CLIC5: variants seen among roughly 807,000 people sequenced by gnomAD.
CLIC5 encodes the protein CLIC family member 5, also known as chloride intracellular channel protein 5.
A neutral mutation model predicts 24.7 loss-of-function variants in CLIC5; 20 were observed. The observed-to-expected ratio is 0.81, with a 90% CI of 0.57 to 1.18. The LOEUF (loss-of-function observed/expected upper bound fraction) is 1.18. CLIC5 is among the 50% of genes most tolerant of loss of function. The pLI, the probability that CLIC5 is intolerant of heterozygous loss-of-function variation, is 0.00. For synonymous variants in CLIC5, 159 were observed against 135.6 expected (o/e 1.17, Z -1.20); for missense variants, 341 against 326.1 (o/e 1.05, Z -0.35).
At chr6:46,040,788 G>T (rs1767786732) in intron 1 of CLIC5, among the ~76,000 whole-genome samples, 1 of 152,172 alleles carries the variant, frequency 6.6e-6, no homozygotes, top group African/African-American at 2.4e-5. Flanking sequence ...ATAAATAGCA[G>T]TTGTAGCAGT....
At chr6:46,009,636 C>G (rs1031470273) in intron 1 of CLIC5, among the ~76,000 whole-genome samples, 2 of 152,126 alleles carry the variant, frequency 1.3e-5, no homozygotes, top group African/African-American at 4.8e-5. Flanking sequence ...TCCCCATAAT[C>G]CTGGTAGATA....
At position 45,947,617 on chromosome 6, in the gene CLIC5, C is replaced by A. The variant is rs915719904; in HGVS notation, c.299+1639G>T. On this transcript the variant is annotated intron_variant, in intron 3 of 5. Transcript: ENST00000339561. ...CTTCTAAGAGGGAAAATGTTAACTG[C>A]GTCATGAACTTTCCTCTATGGGTCT... Among the ~76,000 whole-genome samples, 9 of 152,294 alleles carry A rather than the reference C, an allele frequency of 5.9e-5. No individual in the cohort carries two copies. The South Asian group carries it at 1.0e-3, about 18-fold the overall frequency.
intron 1 of CLIC5, among the ~76,000 whole-genome samples, chr6:46,009,946 G>A (rs1252078918): frequency 3.3e-5 from 5 of 152,132 alleles, no homozygotes; most frequent in Non-Finnish European, 5.9e-5. Context: ...CCAGACATGG[G>A]CTCTAGTGGG....
At chr6:45,958,425 TATATATATATATATATATA>T (rs1764721257) in intron 1 of CLIC5, among the ~76,000 whole-genome samples, 1 of 5,120 alleles carries the variant, frequency 2.0e-4, no homozygotes, top group Non-Finnish European at 9.6e-4. Flanking sequence ...AAGACAATTA[TATATATATATATATATATA>T]TATATATATA....
chr6:46,061,174 T>C (rs1246396441), intron 1 of CLIC5, among the ~76,000 whole-genome samples: 3 of 151,606 alleles, frequency 2.0e-5, no homozygotes, highest in Non-Finnish European at 4.4e-5. Flanking sequence ...TAGATTTTTG[T>C]TTTTGTTTTT....
chr6:46,041,824 C>T (rs1581892428), intron 1 of CLIC5, among the ~76,000 whole-genome samples: 1 of 152,196 alleles, frequency 6.6e-6, no homozygotes, highest in South Asian at 2.1e-4. Context: ...AAATGAGGGG[C>T]TCCAGGTAAG....
intron 1 of CLIC5, among the ~76,000 whole-genome samples, chr6:45,978,810 C>T (rs1765471547): frequency 6.6e-6 from 1 of 152,098 alleles, no homozygotes; most frequent in Non-Finnish European, 1.5e-5. Flanking sequence ...ATTAGCCGGG[C>T]ATGGTGGCAC....
intron 3 of CLIC5, 71 bp from the exon 4 acceptor site, chr6:45,941,724 T>A: frequency 1.7e-6 from 2 of 1,146,476 alleles, no homozygotes; most frequent in Non-Finnish European, 2.7e-6. Context: ...CCTATCCCTA[T>A]CATGATAAGC....
chr6:45,927,883 C>G (rs1561939621), intron 4 of CLIC5, among the ~76,000 whole-genome samples: 1 of 152,150 alleles, frequency 6.6e-6, no homozygotes, highest in East Asian at 1.9e-4. Context: ...GGGGTCCCTT[C>G]CAACTAAGAA....
chr6:46,047,815 G>A lies in CLIC5; in HGVS notation c.540+31888C>T, dbSNP rs548457715. On this transcript the variant is annotated intron_variant, in intron 1 of 5. Coordinates refer to the CLIC5 transcript ENST00000185206. Reference sequence around the variant, plus strand: ...TTACAAAATCATTGGCAAATGAAGAGGCATTCAAAGTGTATGTTTCAAAAA... The same window carrying A: ...TTACAAAATCATTGGCAAATGAAGAAGCATTCAAAGTGTATGTTTCAAAAA... Among the ~76,000 whole-genome samples the A allele has an allele frequency of 9.0e-5, 13 of 144,882 alleles. 1 individual carries two copies. The South Asian group carries it at 2.9e-3, about 32-fold the overall frequency.
chr6:45,993,401 C>A (rs1175341182), intron 1 of CLIC5, among the ~76,000 whole-genome samples: 1 of 152,194 alleles, frequency 6.6e-6, no homozygotes, highest in Non-Finnish European at 1.5e-5. Flanking sequence ...AGCTCTGAAA[C>A]TCTCATTTGC....
intron 1 of CLIC5, among the ~76,000 whole-genome samples, chr6:45,987,491 A>T (rs1445531903): frequency 1.3e-5 from 2 of 152,216 alleles, no homozygotes; most frequent in Non-Finnish European, 2.9e-5. Flanking sequence ...GAACTATAAG[A>T]TAGATTTTTG....
chr6:45,884,849 T>C (rs1201896096), intron 6 of CLIC5, among the ~76,000 whole-genome samples: 1 of 151,988 alleles, frequency 6.6e-6, no homozygotes, highest in Non-Finnish European at 1.5e-5. Context: ...AGAGGGGATA[T>C]TGGGGGTCTG....
chr6:46,040,886 G>A (rs370463195), intron 1 of CLIC5, among the ~76,000 whole-genome samples: 24 of 152,246 alleles, frequency 1.6e-4, no homozygotes, highest in East Asian at 1.5e-3. Context: ...TTTCTAGAAA[G>A]CAATCTACCA....
At chr6:46,015,399 A>G (rs933113465) in intron 1 of CLIC5, 81 bp downstream of exon 1, 103 of 1,355,360 alleles carry the variant, frequency 7.6e-5, no homozygotes, top group Non-Finnish European at 9.9e-5. Flanking sequence ...GAGGGTCCGG[A>G]GTCCAGCGCA....
chr6:45,929,637 T>A (rs979925897), intron 4 of CLIC5, among the ~76,000 whole-genome samples: 2 of 152,184 alleles, frequency 1.3e-5, no homozygotes, highest in African/African-American at 4.8e-5. Flanking sequence ...GGTCACATGT[T>A]ATCCGCATTG....
At chr6:45,960,969 C>T (rs918448737) in intron 1 of CLIC5, among the ~76,000 whole-genome samples, 3 of 152,206 alleles carry the variant, frequency 2.0e-5, no homozygotes, top group African/African-American at 7.2e-5. Context: ...GTCATGGTTA[C>T]TCTTTTATCT....
At chr6:45,914,978 G>A (rs1288460488) in intron 4 of CLIC5, among the ~76,000 whole-genome samples, 1 of 151,840 alleles carries the variant, frequency 6.6e-6, no homozygotes. Context: ...TCACTAAGCT[G>A]GAGTGCAGTG....
At chr6:46,128,736 G>A in the CLIC5 span, among the ~76,000 whole-genome samples, 1 of 152,174 alleles carries the variant, frequency 6.6e-6, no homozygotes, top group East Asian at 1.9e-4. Flanking sequence ...TCTAGGGTCT[G>A]CAGGTTCTAG....
Sources: allele counts gnomAD v4.1 joint callset (sites outside exome capture counted in the v4.1 genomes callset), GRCh38; gene constraint gnomAD v4.1.1; transcripts MANE v1.5; gene names NCBI Gene and HGNC (gene_info 2026-07-23, HGNC 2026-07-21).